Variants in MMP16 observed in about 807,000 individuals in gnomAD.
The protein encoded by MMP16 is matrix metallopeptidase 16, also known as matrix metalloproteinase-16.
MMP16 carries 12 observed loss-of-function variants against 67.8 expected under a neutral mutation model. The observed-to-expected ratio is 0.18, with a 90% CI of 0.11 to 0.29. The LOEUF (loss-of-function observed/expected upper bound fraction) is 0.29. Among genes scored for constraint, MMP16 ranks in the 10% least tolerant of loss-of-function variants. The pLI, the probability that MMP16 is intolerant of heterozygous loss-of-function variation, is 1.00. For synonymous variants in MMP16, 249 were observed against 255.9 expected (o/e 0.97, Z 0.26); for missense variants, 475 against 765.7 (o/e 0.62, Z 4.48).
chr8:88,245,101 T>G (rs1810092691), intron 1 of MMP16, among the ~76,000 whole-genome samples: 1 of 152,222 alleles, frequency 6.6e-6, no homozygotes, highest in Non-Finnish European at 1.5e-5. Flanking sequence ...CCATGTTTTC[T>G]GTGACCTTTC....
chr8:88,191,281 G>T (rs1035611588), intron 2 of MMP16, among the ~76,000 whole-genome samples: 2 of 152,004 alleles, frequency 1.3e-5, no homozygotes, highest in Non-Finnish European at 2.9e-5. Flanking sequence ...TTATACTTCG[G>T]TTTCCGCATC....
At chr8:88,308,034 G>C (rs183622675) in intron 1 of MMP16, among the ~76,000 whole-genome samples, 1 of 152,124 alleles carries the variant, frequency 6.6e-6, no homozygotes, top group East Asian at 1.9e-4. Context: ...TCCCAGAAAT[G>C]TTTAAATAAA....
Position 88,116,582 on chromosome 8 carries a change from G to A in MMP16, c.1008C>T (p.Pro336=), listed in dbSNP as rs761488939. 1.2e-5 allele frequency: 20 copies of A among 1,613,636 alleles called. No individual in the cohort carries two copies. Among genetic ancestry groups the A allele is most frequent in the African/African-American group, 4.0e-5 (3 of 74,880 alleles). ...CATCACAGATGTTGGGTTTGGCTCC[G>A]GGATAGGAGGGTCTGCCGGTTGGAG... ...PRPPTGRPSY[P]GAKPNICDGN... The change falls in exon 6 of 10, where the codon CCC becomes CCT. Residue 336 remains proline (P), a synonymous_variant. Transcript: ENST00000286614.
At chr8:88,186,085 C>G (rs1809067416) in intron 3 of MMP16, among the ~76,000 whole-genome samples, 1 of 152,090 alleles carries the variant, frequency 6.6e-6, no homozygotes, top group Admixed American at 6.6e-5. Context: ...AATGGTTAGA[C>G]TGATATTAAA....
intron 1 of MMP16, among the ~76,000 whole-genome samples, chr8:88,307,403 T>C (rs1404258612): frequency 1.3e-5 from 2 of 152,060 alleles, no homozygotes; most frequent in African/African-American, 4.8e-5. Flanking sequence ...CCTATCATTG[T>C]GATAGGAGGA....
At chr8:88,247,131 G>C (rs552158196) in intron 1 of MMP16, among the ~76,000 whole-genome samples, 20 of 152,176 alleles carry the variant, frequency 1.3e-4, no homozygotes, top group Admixed American at 1.2e-3. Flanking sequence ...GGTCATTCAG[G>C]GTAGGGGCAC....
chr8:88,255,470 C>G (rs1173496877), intron 1 of MMP16, among the ~76,000 whole-genome samples: 2 of 152,170 alleles, frequency 1.3e-5, no homozygotes, highest in Non-Finnish European at 2.9e-5. Context: ...AACACACATA[C>G]AAACTCGAAG....
intron 6 of MMP16, among the ~76,000 whole-genome samples, chr8:88,085,765 T>C (rs1331628665): frequency 6.6e-6 from 1 of 152,038 alleles, no homozygotes. Flanking sequence ...AAAAGGGAGT[T>C]GATATATTCA....
intron 2 of MMP16, among the ~76,000 whole-genome samples, chr8:88,196,910 C>T (rs1269613010): frequency 9.3e-5 from 8 of 85,692 alleles, no homozygotes; most frequent in African/African-American, 2.4e-4. Context: ...CCTACCTCAA[C>T]ATTTCATTCA....
At chr8:88,182,226 T>C (rs1235561481) in intron 3 of MMP16, among the ~76,000 whole-genome samples, 1 of 151,984 alleles carries the variant, frequency 6.6e-6, no homozygotes, top group Non-Finnish European at 1.5e-5. Flanking sequence ...AAGCCACAGA[T>C]ATGAAGAAAG....
intron 4 of MMP16, among the ~76,000 whole-genome samples, chr8:88,150,690 C>A (rs1381747228): frequency 6.0e-4 from 76 of 126,022 alleles, no homozygotes; most frequent in African/African-American, 2.4e-3. Flanking sequence ...CCAGGCCTGC[C>A]CTAAAAGAGC....
chr8:88,268,936 T>A (rs865939773), intron 1 of MMP16, among the ~76,000 whole-genome samples: 1 of 152,150 alleles, frequency 6.6e-6, no homozygotes, highest in East Asian at 1.9e-4. Context: ...CTTTGATACA[T>A]CCCCTATACA....
chr8:88,074,507 A>G, intron 7 of MMP16, 98 bp downstream of exon 7: 2 of 1,029,258 alleles, frequency 1.9e-6, no homozygotes, highest in Non-Finnish European at 2.7e-6. Context: ...TTAAATCCAT[A>G]GGCTATGTAA....
At chr8:88,180,905 A>T (rs1808969085) in intron 3 of MMP16, among the ~76,000 whole-genome samples, 1 of 152,162 alleles carries the variant, frequency 6.6e-6, no homozygotes, top group Non-Finnish European at 1.5e-5. Context: ...TATTAATGTA[A>T]TATTTCACAT....
chr8:88,131,014 C>T (rs1460090290), intron 4 of MMP16, among the ~76,000 whole-genome samples: 1 of 151,558 alleles, frequency 6.6e-6, no homozygotes, highest in Non-Finnish European at 1.5e-5. Flanking sequence ...TTGCAAAGAA[C>T]CTAATTAATG....
chr8:88,075,600 C>G (rs1297731669), intron 6 of MMP16, among the ~76,000 whole-genome samples: 1 of 152,018 alleles, frequency 6.6e-6, no homozygotes, highest in East Asian at 1.9e-4. Flanking sequence ...AGTAGTTTTC[C>G]ATTGAAAATT....
chr8:88,183,700 C>G (rs1586193772), intron 3 of MMP16, among the ~76,000 whole-genome samples: 1 of 134,018 alleles, frequency 7.5e-6, no homozygotes, highest in Non-Finnish European at 1.6e-5. Context: ...TTCTGTTTAA[C>G]AAAATGTCCT....
intron 4 of MMP16, among the ~76,000 whole-genome samples, chr8:88,163,690 C>A (rs752742968): frequency 9.9e-5 from 15 of 152,122 alleles, no homozygotes; most frequent in Non-Finnish European, 1.8e-4. Context: ...ACCATTTTAA[C>A]TTTAACCATA....
intron 1 of MMP16, among the ~76,000 whole-genome samples, chr8:88,290,545 T>C (rs1043851340): frequency 1.3e-5 from 2 of 151,336 alleles, no homozygotes; most frequent in Non-Finnish European, 2.9e-5. Flanking sequence ...AGAGTGAGAC[T>C]CCGTCTCAAA....
Sources: allele counts gnomAD v4.1 joint callset (sites outside exome capture counted in the v4.1 genomes callset), GRCh38; gene constraint gnomAD v4.1.1; transcripts MANE v1.5; gene names NCBI Gene and HGNC (gene_info 2026-07-23, HGNC 2026-07-21).